The following CFAP74 variants were observed in gnomAD, a reference collection of about 807,000 sequenced individuals.
CFAP74 encodes cilia and flagella associated protein 74.
CFAP74 carries 124 observed loss-of-function variants against 188.9 expected under a neutral mutation model. That is an observed-to-expected ratio of 0.66 (90% CI 0.57 to 0.76). The LOEUF (loss-of-function observed/expected upper bound fraction) is 0.76. Among genes scored for constraint, CFAP74 ranks in the 30% least tolerant of loss-of-function variants. The pLI is 0.00. For missense variants in CFAP74, 2,198 were observed against 2,165.2 expected (o/e 1.02, Z -0.30); for synonymous variants, 956 against 916.7 (o/e 1.04, Z -0.77).
intron 25 of CFAP74, among the ~76,000 whole-genome samples, chr1:1,934,639 ACGTGGGTGTTAGGCTGTAGGTACACACG>A (rs1652709522): frequency 8.4e-6 from 1 of 118,646 alleles, no homozygotes; most frequent in Non-Finnish European, 1.8e-5. Flanking sequence ...ACACGTGTGT[ACGTGGGTGTTAGGCTGTAGGTACACACG>A]TGTGTACGTG....
intron 32 of CFAP74, 55 bp downstream of exon 32, chr1:1,926,173 C>A: frequency 6.8e-7 from 1 of 1,464,444 alleles, no homozygotes; most frequent in South Asian, 1.4e-5. Context: ...TGCCTTTGTT[C>A]TGCAGTGTGG....
At chr1:1,922,548 C>G (rs761672430) in intron 38 of CFAP74, 41 bp downstream of exon 38, 6 of 1,600,886 alleles carry the variant, frequency 3.7e-6, no homozygotes, top group Non-Finnish European at 5.1e-6. Flanking sequence ...CAGCCTTTGG[C>G]GTTCCCAGGG....
At chr1:1,937,015 G>C (rs983788007) in intron 25 of CFAP74, among the ~76,000 whole-genome samples, 6 of 152,224 alleles carry the variant, frequency 3.9e-5, no homozygotes, top group Admixed American at 3.3e-4. Flanking sequence ...TGAGACGAGA[G>C]AGAATGAGGA....
At position 1,926,935 on chromosome 1, in the gene CFAP74, G is replaced by A. The variant is rs28704889; in HGVS notation, c.3621C>T (p.Gly1207=). 5 of 1,550,216 alleles carry A rather than the reference G, an allele frequency of 3.2e-6. No individual in the cohort carries two copies. In the South Asian group the frequency reaches 3.6e-5, roughly 11 times the overall value. Residue 1207 remains glycine (G), a synonymous_variant, in exon 29 of 39, where the codon GGC becomes GGT. Coordinates refer to ENST00000682832, the MANE Select transcript of CFAP74 (RefSeq NM_001304360.2). ...CTGACCCCTTCCTGTCTTTGATGTC[G>A]CCACTGGCAACAACACAGGGAACTA... ...TFVVPCVVAS[G]DIKDRKGSEP...
chr1:1,996,578 T>C (rs1050318099), intron 1 of CFAP74, among the ~76,000 whole-genome samples: 1 of 152,162 alleles, frequency 6.6e-6, no homozygotes, highest in East Asian at 1.9e-4. Flanking sequence ...TAAGTGTGTG[T>C]AATCTCATGT....
In CFAP74 at chr1:1,960,172, C is replaced by CG. The variant is rs1320429220; in HGVS notation, c.1695-143dup. The CG allele has an allele frequency of 1.0e-5, 7 of 695,248 alleles. No homozygotes were observed. In the African/African-American group the frequency reaches 1.3e-4, roughly 13 times the overall value. 43.1% of individuals were successfully genotyped at this position (695,248 alleles called of 1,614,324 possible). A position where few individuals can be genotyped will look rare whatever the true frequency, so the allele number is the denominator to read the frequency against. The stretch of plus-strand genomic sequence containing the variant: ...GCCCCCTGCCCAGCCGCCTTCACCC[C>CG]GGGGAGTGCTGGATCTGCTGCATTC... On this transcript the variant is annotated intron_variant, in intron 14 of 38. Transcript: ENST00000682832.
At chr1:1,941,123 G>GAA (rs1486105915) in intron 22 of CFAP74, among the ~76,000 whole-genome samples, 21 of 150,872 alleles carry the variant, frequency 1.4e-4, no homozygotes, top group African/African-American at 5.1e-4. Context: ...AAAAAAGAAA[G>GAA]AAAGAAAGAA....
chr1:1,928,006 A>G (rs2102032406), intron 27 of CFAP74: 1 of 502,274 alleles, frequency 2.0e-6, no homozygotes, highest in Admixed American at 3.4e-5. Flanking sequence ...AGGCGGCCAG[A>G]ACCGGGGTCC....
chr1:1,996,260 C>G lies in CFAP74; in HGVS notation c.-19-5285G>C, dbSNP rs545278765. 4.6e-5 allele frequency among the ~76,000 whole-genome samples: 7 copies of G among 152,314 alleles called. No homozygotes were observed. The South Asian group carries it at 1.0e-3, about 23-fold the overall frequency. On this transcript the variant is annotated intron_variant, in intron 1 of 38. Coordinates refer to ENST00000682832, the MANE Select transcript of CFAP74 (RefSeq NM_001304360.2). ...TCAGCCTTCCGAAGTGCTGGGATTA[C>G]AGGTGTGAACCACTGTGCCTGCCCA...
rs1055233478 is a variant in CFAP74 at position 1,960,832 on chromosome 1, G to A, written c.1695-802C>T. Among the ~76,000 whole-genome samples, 31 of 152,298 alleles carry A rather than the reference G, an allele frequency of 2.0e-4. 1 individual carries two copies. Among genetic ancestry groups the A allele is most frequent in the Middle Eastern group, 3.4e-3 (1 of 294 alleles). Reference sequence around the variant, plus strand: ...GCAGAATCCGAGAGGGTGGACGTGCGTGCCTCACATAAACCAGCAGCAGAG... The same window carrying A: ...GCAGAATCCGAGAGGGTGGACGTGCATGCCTCACATAAACCAGCAGCAGAG... On this transcript the variant is annotated intron_variant, in intron 14 of 38. Transcript: ENST00000682832.
chr1:1,966,330 G>T, intron 12 of CFAP74, 41 bp downstream of exon 12: 1 of 1,447,048 alleles, frequency 6.9e-7, no homozygotes, highest in South Asian at 1.5e-5. Context: ...ACAGAGGGCC[G>T]GGGTCCGTCT....
Position 1,974,067 on chromosome 1 carries a change from T to C in CFAP74, c.632A>G (p.Glu211Gly). The C allele has an allele frequency of 6.2e-7, 1 of 1,606,278 alleles. No homozygotes were observed. The highest frequency in any genetic ancestry group is 8.5e-7 in the Non-Finnish European group (1 of 1,175,278). Residue 211 changes from glutamate (E) to glycine (G), a missense_variant, in exon 7 of 39, where the codon GAG becomes GGG. By Grantham distance (98) the Glu-to-Gly change is moderately conservative. Transcript: ENST00000682832. ...RAAEQLCREQ[E>G]ALGKVERNRL... is the part of the protein sequence containing the mutation. Reference sequence around the variant, plus strand: ...GTTCCGCTCCACCTTCCCCAGGGCCTCCTGCTCTCTGCAGAGCTGCTCGGC... The same window carrying C: ...GTTCCGCTCCACCTTCCCCAGGGCCCCCTGCTCTCTGCAGAGCTGCTCGGC...
intron 25 of CFAP74, 39 bp downstream of exon 25, chr1:1,938,816 C>T (rs1468381504): frequency 4.6e-6 from 7 of 1,532,178 alleles, no homozygotes; most frequent in South Asian, 1.2e-5. Flanking sequence ...TGAGCGGGCA[C>T]TCCAGGCCCC....
At chr1:1,927,250 G>A in intron 28 of CFAP74, 2 of 610,112 alleles carry the variant, frequency 3.3e-6, no homozygotes, top group Non-Finnish European at 5.7e-6. Context: ...GAGGCTAGGG[G>A]TTGGGGCAGG....
rs181750640 is a variant in CFAP74 at position 1,982,557 on chromosome 1, G to A, written c.500+2829C>T. The stretch of plus-strand genomic sequence containing the variant: ...ACACTGGGTGGAGAGCAGACCAGAG[G>A]TTGCCTGGTGGGGTGGGGCTACCCA... On this transcript the variant is annotated intron_variant, in intron 6 of 38. Coordinates refer to ENST00000682832, the MANE Select transcript of CFAP74 (RefSeq NM_001304360.2). Among the ~76,000 whole-genome samples, 647 of 152,388 alleles carry A rather than the reference G, an allele frequency of 4.2e-3. 1 individual carries two copies. The highest frequency in any genetic ancestry group is 6.8e-3 in the Non-Finnish European group (461 of 68,040).
At chr1:1,928,704 C>G in intron 27 of CFAP74, 80 bp downstream of exon 27, 1 of 1,081,102 alleles carries the variant, frequency 9.2e-7, no homozygotes, top group Non-Finnish European at 1.3e-6. Context: ...CGGAGCCCCC[C>G]AGGACTCGAA....
At chr1:1,971,382 C>A (rs1382197810) in intron 9 of CFAP74, among the ~76,000 whole-genome samples, 1 of 151,400 alleles carries the variant, frequency 6.6e-6, no homozygotes, top group Non-Finnish European at 1.5e-5. Flanking sequence ...GTCACACATG[C>A]ACACACGTGC....
At chr1:1,927,197 G>A (rs886261776) in intron 28 of CFAP74, 169 bp from the exon 29 acceptor site, 3 of 739,780 alleles carry the variant, frequency 4.1e-6, no homozygotes, top group African/African-American at 3.5e-5. Context: ...GGCTCCTGTG[G>A]GGGTCTCATC....
At chr1:1,993,123 C>T (rs1302570029) in intron 1 of CFAP74, among the ~76,000 whole-genome samples, 1 of 149,360 alleles carries the variant, frequency 6.7e-6, no homozygotes, top group Non-Finnish European at 1.5e-5. Flanking sequence ...ATTGCTTGAG[C>T]CCAGGAGGCG....
Sources: allele counts gnomAD v4.1 joint callset (sites outside exome capture counted in the v4.1 genomes callset), GRCh38; gene constraint gnomAD v4.1.1; transcripts MANE v1.5; gene names NCBI Gene and HGNC (gene_info 2026-07-23, HGNC 2026-07-21).